Variants in NEDD4L observed in about 807,000 individuals in gnomAD.
NEDD4L encodes the protein E3 ubiquitin-protein ligase NEDD4-like.
In NEDD4L, 54 loss-of-function variants were observed where a neutral mutation model predicts 148.9. That is an observed-to-expected ratio of 0.36 (90% confidence interval 0.29 to 0.45). The LOEUF (loss-of-function observed/expected upper bound fraction) is 0.45. Among genes scored for constraint, NEDD4L ranks in the 20% least tolerant of loss-of-function variants. The pLI, the probability that NEDD4L is intolerant of heterozygous loss-of-function variation, is 1.00. For synonymous variants in NEDD4L, 433 were observed against 440.7 expected (o/e 0.98, Z 0.22); for missense variants, 856 against 1,233.8 (o/e 0.69, Z 4.59).
intron 1 of NEDD4L, among the ~76,000 whole-genome samples, chr18:58,120,014 C>T (rs1296257837): frequency 6.6e-6 from 1 of 152,202 alleles, no homozygotes; most frequent in Non-Finnish European, 1.5e-5. Flanking sequence ...TTTCCTTAAT[C>T]GTCTTTGAAG....
intron 24 of NEDD4L, among the ~76,000 whole-genome samples, chr18:58,381,165 G>T (rs1249471487): frequency 6.6e-6 from 1 of 151,958 alleles, no homozygotes; most frequent in Non-Finnish European, 1.5e-5. Context: ...CTGTGAGAAG[G>T]GATATATAAT....
chr18:58,122,743 C>CTTTTTCTTT (rs1555697803), intron 1 of NEDD4L, among the ~76,000 whole-genome samples: 28 of 147,562 alleles, frequency 1.9e-4, no homozygotes, highest in African/African-American at 6.2e-4. Context: ...TTTTCTTTTT[C>CTTTTTCTTT]TTTTTTTTTT....
rs760174391 is a variant in NEDD4L, at chr18:58,315,977, A to G, written c.298-5A>G. 6.2e-6 allele frequency: 10 copies of G among 1,611,670 alleles called. No homozygotes were observed. In the South Asian group the frequency reaches 1.1e-4, roughly 18 times the overall value. On this transcript the variant is annotated splice_region_variant and splice_polypyrimidine_tract_variant and intron_variant, in intron 5 of 30. Transcript: ENST00000400345. ...AACACTAACTCTTTGTTCTCTTCCT[A>G]ACAGACACGAGACGACTTCCTGGGC...
rs527828991 is a variant in NEDD4L at position 58,399,058 on chromosome 18, T to C, written c.*2789T>C. The C allele has an allele frequency of 2.0e-5, 3 of 152,402 alleles. No homozygotes were observed. Among genetic ancestry groups the C allele is most frequent in the African/African-American group, 7.2e-5 (3 of 41,572 alleles). 9.4% of individuals were successfully genotyped at this position (152,402 alleles called of 1,614,324 possible). On this transcript the variant is annotated 3_prime_UTR_variant, in exon 31 of 31. Coordinates refer to ENST00000400345, the MANE Select transcript of NEDD4L (RefSeq NM_001144967.3). ...CACTTACATGAGGCTGAGAAGTACG[T>C]GCCGGAGCTCACACACTGCCTGTTG... is the stretch of plus-strand genomic sequence containing the variant.
At chr18:58,259,365 T>A (rs2049035808) in intron 5 of NEDD4L, among the ~76,000 whole-genome samples, 1 of 152,364 alleles carries the variant, frequency 6.6e-6, no homozygotes, top group Admixed American at 6.5e-5. Context: ...ATTGTTAGAA[T>A]TTACCAATTC....
In NEDD4L at chr18:58,098,993, C is replaced by T. The variant is rs138015035; in HGVS notation, c.48+54285C>T. ...ACTATTATTATGTTACTTGTCATGA[C>T]GAGTTTTACTTGCCACCTTGTATTA... On this transcript the variant is annotated intron_variant, in intron 1 of 30. Coordinates refer to ENST00000400345, the MANE Select transcript of NEDD4L (RefSeq NM_001144967.3). Among the ~76,000 whole-genome samples the T allele has an allele frequency of 3.1e-3, 474 of 152,278 alleles. 4 individuals are homozygous for T. Among genetic ancestry groups the T allele is most frequent in the African/African-American group, 0.011 (446 of 41,560 alleles).
At chr18:58,195,331 G>C in intron 2 of NEDD4L, 1 of 955,536 alleles carries the variant, frequency 1.0e-6, no homozygotes. Flanking sequence ...GCTTTTTTGT[G>C]TCTCTTGAAT....
intron 24 of NEDD4L, among the ~76,000 whole-genome samples, chr18:58,373,686 C>T (rs370816678): frequency 2.0e-5 from 3 of 152,146 alleles, no homozygotes; most frequent in Admixed American, 2.0e-4. Flanking sequence ...GTTGTCATGG[C>T]GACATTTGTC....
intron 15 of NEDD4L, among the ~76,000 whole-genome samples, chr18:58,342,128 C>G (rs919857894): frequency 6.6e-6 from 1 of 152,240 alleles, no homozygotes; most frequent in Admixed American, 6.5e-5. Flanking sequence ...TGCGTAATCC[C>G]TCTTTCAAAT....
intron 1 of NEDD4L, among the ~76,000 whole-genome samples, chr18:58,127,439 C>T (rs530625201): frequency 6.6e-6 from 1 of 152,224 alleles, no homozygotes; most frequent in South Asian, 2.1e-4. Flanking sequence ...GACACGGTGG[C>T]CCACACCTGT....
chr18:58,134,100 A>G (rs7242262), intron 1 of NEDD4L, among the ~76,000 whole-genome samples: 50,193 of 151,934 alleles, frequency 0.33, 8,536 homozygotes, highest in Non-Finnish European at 0.37. Context: ...TCCTGGGTTT[A>G]AGTGATTCTC....
chr18:58,207,911 G>A (rs1183672914), intron 2 of NEDD4L, among the ~76,000 whole-genome samples: 3 of 152,180 alleles, frequency 2.0e-5, no homozygotes, highest in Admixed American at 2.0e-4. Context: ...AAAATAGCTG[G>A]CATGGTGGTG....
At chr18:58,210,885 G>A (rs1448133054) in intron 2 of NEDD4L, among the ~76,000 whole-genome samples, 2 of 152,050 alleles carry the variant, frequency 1.3e-5, no homozygotes, top group Non-Finnish European at 2.9e-5. Context: ...AAACACGAAT[G>A]CACTATAATC....
chr18:58,280,809 T>C (rs1312805473), intron 5 of NEDD4L, among the ~76,000 whole-genome samples: 1 of 152,138 alleles, frequency 6.6e-6, no homozygotes, highest in Non-Finnish European at 1.5e-5. Flanking sequence ...TGGCATATAG[T>C]CCCATAACCA....
intron 1 of NEDD4L, among the ~76,000 whole-genome samples, chr18:58,078,015 A>ATTTTTTTTTTTTTTTTTTTTT (rs56093190): frequency 7.0e-6 from 1 of 143,046 alleles, no homozygotes; most frequent in Non-Finnish European, 1.5e-5. Flanking sequence ...TGAGAAACGT[A>ATTTTTTTTTTTTTTTTTTTTT]TTTTTTTTTT....
intron 5 of NEDD4L, among the ~76,000 whole-genome samples, chr18:58,277,686 T>C (rs1004737963): frequency 6.6e-6 from 1 of 152,206 alleles, no homozygotes; most frequent in African/African-American, 2.4e-5. Flanking sequence ...ATTTTTATTA[T>C]TTTTAACGTT....
chr18:58,183,388 C>T (rs2039065290), intron 2 of NEDD4L, among the ~76,000 whole-genome samples: 1 of 152,234 alleles, frequency 6.6e-6, no homozygotes, highest in Admixed American at 6.5e-5. Flanking sequence ...TAGACGGTTA[C>T]CTGTACCCTG....
chr18:58,101,246 A>AAGT (rs2084735654), intron 1 of NEDD4L, among the ~76,000 whole-genome samples: 1 of 152,220 alleles, frequency 6.6e-6, no homozygotes, highest in South Asian at 2.1e-4. Flanking sequence ...GAAAACTACT[A>AAGT]AGTAGAAAGA....
chr18:58,311,721 G>T (rs906086769), intron 5 of NEDD4L, among the ~76,000 whole-genome samples: 1 of 152,206 alleles, frequency 6.6e-6, no homozygotes, highest in Non-Finnish European at 1.5e-5. Context: ...TGTTGTTGTT[G>T]TTGTTGTTGT....
Sources: gnomAD v4.1 joint callset for allele counts (sites outside exome capture counted in the v4.1 genomes callset) on GRCh38, gnomAD v4.1.1 for gene constraint, MANE v1.5 for transcripts, NCBI Gene and HGNC (gene_info 2026-07-23, HGNC 2026-07-21) for gene names.